MAGI2: variants seen among roughly 807,000 people sequenced by gnomAD.
The protein encoded by MAGI2 is membrane associated guanylate kinase, WW and PDZ domain containing 2.
A neutral mutation model predicts 133.3 loss-of-function variants in MAGI2; 35 were observed. The ratio of observed to expected loss-of-function variants is 0.26; its 90% confidence interval spans 0.20 to 0.35. MAGI2 has a LOEUF of 0.35. MAGI2 is among the 10% of genes least tolerant of loss of function. The pLI is 1.00. For missense variants in MAGI2, 1,636 were observed against 1,863.4 expected, an observed-to-expected ratio of 0.88 and a Z score of 2.25; for synonymous variants, 729 against 710.6, an observed-to-expected ratio of 1.03 and a Z score of -0.41.
chr7:78,114,484 T>C (rs957078667), intron 20 of MAGI2, among the ~76,000 whole-genome samples: 5 of 152,238 alleles, frequency 3.3e-5, no homozygotes, highest in Non-Finnish European at 5.9e-5. Flanking sequence ...CTGTATGCCA[T>C]GCCATTCAAT....
intron 2 of MAGI2, among the ~76,000 whole-genome samples, chr7:78,745,173 A>T (rs959779626): frequency 1.3e-5 from 2 of 152,236 alleles, no homozygotes; most frequent in African/African-American, 4.8e-5. Flanking sequence ...TGCATACTTC[A>T]TAACAATCCT....
chr7:79,006,235 G>A (rs1315239958), intron 2 of MAGI2, among the ~76,000 whole-genome samples: 2 of 151,768 alleles, frequency 1.3e-5, no homozygotes, highest in African/African-American at 2.4e-5. Context: ...TTTATTTAAT[G>A]TTATCCTTTC....
chr7:79,180,677 C>T (rs1401214913), intron 1 of MAGI2, among the ~76,000 whole-genome samples: 1 of 151,948 alleles, frequency 6.6e-6, no homozygotes, highest in East Asian at 1.9e-4. Context: ...AGCAATCATG[C>T]CTTCCCAACA....
intron 12 of MAGI2, 57 bp downstream of exon 12, chr7:78,194,817 C>A (rs956769546): frequency 2.9e-6 from 4 of 1,380,846 alleles, no homozygotes; most frequent in Non-Finnish European, 3.9e-6. Flanking sequence ...CAATATATCT[C>A]CTGGCAGGGC....
chr7:79,111,636 T>TAC (rs1449823058), intron 1 of MAGI2, among the ~76,000 whole-genome samples: 2 of 152,100 alleles, frequency 1.3e-5, no homozygotes, highest in Non-Finnish European at 2.9e-5. Flanking sequence ...TTCCCAAGGG[T>TAC]ACACAGTTGT....
At chr7:78,986,909 C>A (rs900075931) in intron 2 of MAGI2, among the ~76,000 whole-genome samples, 5 of 151,908 alleles carry the variant, frequency 3.3e-5, no homozygotes, top group Non-Finnish European at 5.9e-5. Context: ...CAAAGACAAT[C>A]AAGAACATAC....
chr7:79,068,003 T>C (rs1486501599), intron 1 of MAGI2, among the ~76,000 whole-genome samples: 1 of 152,212 alleles, frequency 6.6e-6, no homozygotes, highest in Non-Finnish European at 1.5e-5. Context: ...TGGATTCAGT[T>C]TGCCAGTATT....
At chr7:78,881,981 GA>G (rs1217526545) in intron 2 of MAGI2, among the ~76,000 whole-genome samples, 1 of 144,636 alleles carries the variant, frequency 6.9e-6, no homozygotes, top group Non-Finnish European at 1.5e-5. Context: ...ATGAAATGGA[GA>G]CCCAAAAACC....
At chr7:79,265,897 A>G (rs934642398) in intron 1 of MAGI2, among the ~76,000 whole-genome samples, 1 of 152,178 alleles carries the variant, frequency 6.6e-6, no homozygotes, top group Non-Finnish European at 1.5e-5. Context: ...GTTTGATTTT[A>G]AACAGTGTTT....
chr7:78,457,089 T>A (rs1789398969), intron 6 of MAGI2: 1 of 152,218 alleles, frequency 6.6e-6, no homozygotes. Context: ...GCAATGAATA[T>A]CCTCTTTGCT....
chr7:78,295,494 T>G (rs1364753056), intron 9 of MAGI2, among the ~76,000 whole-genome samples: 2 of 152,204 alleles, frequency 1.3e-5, no homozygotes, highest in Non-Finnish European at 2.9e-5. Flanking sequence ...TGAAATCTTA[T>G]TCAGCGTCCT....
At chr7:78,337,961 G>A (rs527712072) in intron 9 of MAGI2, among the ~76,000 whole-genome samples, 97 of 152,036 alleles carry the variant, frequency 6.4e-4, no homozygotes, top group African/African-American at 2.1e-3. Flanking sequence ...TTTGCCCAGC[G>A]CTGTTTTATG....
At chr7:79,030,112 G>A (rs1035249738) in intron 1 of MAGI2, 2 of 152,196 alleles carry the variant, frequency 1.3e-5, no homozygotes, top group African/African-American at 4.8e-5. Context: ...TTCAAGTGTA[G>A]GTTCTAACCT....
At chr7:79,019,926 A>G (rs1157919049) in intron 1 of MAGI2, among the ~76,000 whole-genome samples, 1 of 152,226 alleles carries the variant, frequency 6.6e-6, no homozygotes, top group Non-Finnish European at 1.5e-5. Flanking sequence ...GCTGCTGTAA[A>G]GATACCAAAA....
chr7:78,435,343 A>G (rs1349671036), intron 6 of MAGI2, among the ~76,000 whole-genome samples: 1 of 152,158 alleles, frequency 6.6e-6, no homozygotes, highest in African/African-American at 2.4e-5. Flanking sequence ...ACACTTGGTC[A>G]GAAATTCAAG....
At chr7:78,823,874 TATTATCTTCTC>T (rs1272297845) in intron 2 of MAGI2, among the ~76,000 whole-genome samples, 1 of 151,928 alleles carries the variant, frequency 6.6e-6, no homozygotes, top group Admixed American at 6.6e-5. Flanking sequence ...GAGTTACTGG[TATTATCTTCTC>T]ATTATCTTCT....
chr7:78,460,248 T>C (rs1048427168), intron 6 of MAGI2, among the ~76,000 whole-genome samples: 5 of 152,118 alleles, frequency 3.3e-5, no homozygotes, highest in Admixed American at 3.3e-4. Context: ...AACAACTGAG[T>C]GCGCGAATCA....
chr7:78,443,471 C>G (rs1197956662), intron 6 of MAGI2, among the ~76,000 whole-genome samples: 1 of 152,074 alleles, frequency 6.6e-6, no homozygotes, highest in Non-Finnish European at 1.5e-5. Context: ...GATGCTATCC[C>G]CAGGCTTTAA....
Position 79,191,402 on chromosome 7 carries a change from C to CTTTTT in MAGI2, c.302-184201_302-184197dup, listed in dbSNP as rs71095386. Among the ~76,000 whole-genome samples, 147 of 22,320 alleles carry CTTTTT rather than the reference C, an allele frequency of 6.6e-3. 19 individuals are homozygous for CTTTTT. The highest frequency in any genetic ancestry group is 7.4e-3 in the Non-Finnish European group (79 of 10,652). The allele number at this position is 22,320 out of a possible 152,430, so 14.6% of individuals were successfully genotyped here. A position where few individuals can be genotyped will look rare whatever the true frequency, so the allele number is the denominator to read the frequency against. ...TCTTTTTTTCTTTTTCTTTTTCTTT[C>CTTTTT]TTTTTTTTTTTTTTTTTTTTTTTTT... is the stretch of plus-strand genomic sequence containing the variant. On this transcript the variant is annotated intron_variant, in intron 1 of 21. Transcript: ENST00000354212.
Sources: allele counts gnomAD v4.1 joint callset (sites outside exome capture counted in the v4.1 genomes callset), GRCh38; gene constraint gnomAD v4.1.1; transcripts MANE v1.5; gene names NCBI Gene and HGNC (gene_info 2026-07-23, HGNC 2026-07-21).